NHS: variants seen among roughly 807,000 people sequenced by gnomAD.
NHS encodes actin remodeling regulator NHS.
NHS carries 5 observed loss-of-function variants against 72.5 expected under a neutral mutation model. That is an observed-to-expected ratio of 0.07 (90% CI 0.04 to 0.14). NHS has a LOEUF of 0.14. NHS is among the 10% of genes least tolerant of loss of function. The pLI is 1.00. For synonymous variants in NHS, 464 were observed against 547.7 expected (o/e 0.85, Z 2.13); for missense variants, 1,072 against 1,355.7 (o/e 0.79, Z 3.29).
chrX:17,387,785 G>A (rs2064418236), intron 1 of NHS, among the ~76,000 whole-genome samples: 1 of 112,952 alleles, frequency 8.9e-6, no homozygotes, highest in African/African-American at 3.2e-5. Flanking sequence ...ATCTGCTATG[G>A]AGTGGAGATA....
At chrX:17,659,961 T>G (rs996027168) in intron 1 of NHS, among the ~76,000 whole-genome samples, 1 of 112,263 alleles carries the variant, frequency 8.9e-6, no homozygotes, top group Non-Finnish European at 1.9e-5. Context: ...TTTACCATAC[T>G]ACCTTTCTGA....
At chrX:17,515,996 C>T (rs1281230042) in intron 1 of NHS, among the ~76,000 whole-genome samples, 1 of 107,445 alleles carries the variant, frequency 9.3e-6, no homozygotes, top group African/African-American at 3.4e-5. Context: ...GGGATGCAAG[C>T]CACATGTATA....
intron 1 of NHS, among the ~76,000 whole-genome samples, chrX:17,564,202 G>A (rs2065429856): frequency 1.8e-5 from 2 of 112,171 alleles, no homozygotes; most frequent in African/African-American, 6.5e-5. Flanking sequence ...ATGTGAAACT[G>A]ATCTCTCATC....
intron 1 of NHS, among the ~76,000 whole-genome samples, chrX:17,503,500 A>T (rs1346322487): frequency 9.0e-6 from 1 of 111,609 alleles, no homozygotes; most frequent in East Asian, 2.8e-4. Flanking sequence ...TGCTATCTTC[A>T]TTTTACAGAT....
rs1290660575 is a variant in NHS, at chrX:17,733,949, T to G, written c.*1485T>G. 3 of 111,999 alleles carry G rather than the reference T, an allele frequency of 2.7e-5. No homozygotes were observed. The highest frequency in any genetic ancestry group is 7.5e-4 in the South Asian group (2 of 2,676). The allele number at this position is 111,999 out of a possible 1,213,427, so 9.2% of individuals were successfully genotyped here. A position where few individuals can be genotyped will look rare whatever the true frequency, so the allele number is the denominator to read the frequency against. On this transcript the variant is annotated 3_prime_UTR_variant, in exon 9 of 9. Coordinates refer to ENST00000676302, the MANE Select transcript of NHS (RefSeq NM_001291867.2). ...TCTTGTCTTAAAACTGAAAAAAAAA[T>G]GTAGTTACACGTTAAAATCTGCAAA...
chrX:17,603,426 C>T (rs1019731253), intron 1 of NHS, among the ~76,000 whole-genome samples: 3 of 111,873 alleles, frequency 2.7e-5, no homozygotes, highest in Non-Finnish European at 3.8e-5. Context: ...TAGTCTCAGA[C>T]GAAACATACT....
chrX:17,582,916 G>C (rs1488435356), intron 1 of NHS, among the ~76,000 whole-genome samples: 1 of 112,647 alleles, frequency 8.9e-6, no homozygotes, highest in Admixed American at 9.3e-5. Flanking sequence ...AGCCAGCTGT[G>C]AGTCTGAGTT....
chrX:17,630,352 G>T (rs2065818646), intron 1 of NHS, among the ~76,000 whole-genome samples: 1 of 107,773 alleles, frequency 9.3e-6, no homozygotes, highest in African/African-American at 3.4e-5. Flanking sequence ...GCCAGCAAAG[G>T]GACATTAGAG....
intron 1 of NHS, among the ~76,000 whole-genome samples, chrX:17,488,840 G>A (rs780262401): frequency 2.8e-5 from 3 of 107,335 alleles, no homozygotes; most frequent in Non-Finnish European, 3.9e-5. Context: ...TGTGTAGAAC[G>A]TGCAGTTTTG....
At chrX:17,696,460 C>T (rs1036389015) in intron 3 of NHS, among the ~76,000 whole-genome samples, 1 of 112,186 alleles carries the variant, frequency 8.9e-6, no homozygotes, top group Non-Finnish European at 1.9e-5. Context: ...TTGAGAATGG[C>T]AAATGTGTAT....
chrX:17,515,061 T>A (rs137973581), intron 1 of NHS, among the ~76,000 whole-genome samples: 2,849 of 111,516 alleles, frequency 0.026, 100 homozygotes, highest in African/African-American at 0.089. Flanking sequence ...CCTTGCAGAT[T>A]TGGAGCAAAT....
intron 1 of NHS, among the ~76,000 whole-genome samples, chrX:17,683,388 T>C (rs192506351): frequency 8.9e-6 from 1 of 111,866 alleles, no homozygotes; most frequent in East Asian, 2.8e-4. Flanking sequence ...ATGTGGCAGA[T>C]GGCCCATTCT....
chrX:17,522,471 G>T (rs1276869110), intron 1 of NHS, among the ~76,000 whole-genome samples: 2 of 57,115 alleles, frequency 3.5e-5, no homozygotes, highest in African/African-American at 6.3e-5. Context: ...TGACACATTT[G>T]CTCAAATAGT....
At chrX:17,624,974 G>T (rs1187877132) in intron 1 of NHS, among the ~76,000 whole-genome samples, 4 of 112,292 alleles carry the variant, frequency 3.6e-5, no homozygotes, top group South Asian at 3.7e-4. Flanking sequence ...GCTTCTGTTT[G>T]TATGAGTTAT....
Position 17,611,032 on chromosome X carries a change from C to T in NHS, c.566-76710C>T, listed in dbSNP as rs900698504. Among the ~76,000 whole-genome samples, 10 of 112,288 alleles carry T rather than the reference C, an allele frequency of 8.9e-5. 1 individual carries two copies. The South Asian group carries it at 2.2e-3, about 25-fold the overall frequency. Reference sequence around the variant, plus strand: ...GGATGGCTGGCGGGACCACAAATTGCGCTTAAGATGAATCTTGAAACCCTT... The same window carrying T: ...GGATGGCTGGCGGGACCACAAATTGTGCTTAAGATGAATCTTGAAACCCTT... On this transcript the variant is annotated intron_variant, in intron 1 of 8. Coordinates refer to ENST00000676302, the MANE Select transcript of NHS (RefSeq NM_001291867.2).
Position 17,399,691 on chromosome X carries a change from A to G in NHS, c.565+23369A>G, listed in dbSNP as rs765696563. 2.7e-5 allele frequency among the ~76,000 whole-genome samples: 3 copies of G among 111,964 alleles called. No homozygotes were observed. The South Asian group carries it at 1.1e-3, about 42-fold the overall frequency. ...AAGTCTAAGATAGACCCCTAACTTC[A>G]GGTAACTCACAGTCTGGCAGGGAAG... On this transcript the variant is annotated intron_variant, in intron 1 of 8. Coordinates refer to ENST00000676302, the MANE Select transcript of NHS (RefSeq NM_001291867.2).
At chrX:17,466,191 G>A (rs923930629) in intron 1 of NHS, among the ~76,000 whole-genome samples, 3 of 113,147 alleles carry the variant, frequency 2.7e-5, no homozygotes, top group Non-Finnish European at 3.7e-5. Context: ...GCTGCAGTGG[G>A]GCAGGCAAGA....
intron 1 of NHS, among the ~76,000 whole-genome samples, chrX:17,653,793 G>A (rs1269137146): frequency 2.7e-5 from 3 of 111,611 alleles, no homozygotes; most frequent in African/African-American, 9.8e-5. Context: ...GTTTGAGTCT[G>A]TACATGGTGA....
rs971865635 is a variant in NHS at position 17,721,828 on chromosome X, A to G, written c.1108+195A>G. On this transcript the variant is annotated intron_variant, in intron 5 of 8. Coordinates refer to ENST00000676302, the MANE Select transcript of NHS (RefSeq NM_001291867.2). ...TCAATTTACATGTTTTCCGCGGGCC[A>G]CTTGTTATGTAAATTATGGACAGTT... Among the ~76,000 whole-genome samples the G allele has an allele frequency of 1.5e-4, 17 of 111,919 alleles. No homozygotes were observed. In the Admixed American group the frequency reaches 1.6e-3, roughly 11 times the overall value.
Sources: gnomAD v4.1 joint callset for allele counts (sites outside exome capture counted in the v4.1 genomes callset) on GRCh38, gnomAD v4.1.1 for gene constraint, MANE v1.5 for transcripts, NCBI Gene and HGNC (gene_info 2026-07-23, HGNC 2026-07-21) for gene names.